The following AFTPH variants were observed in gnomAD, a reference collection of about 807,000 sequenced individuals.
AFTPH encodes aftiphilin, also known as aftiphilin protein.
AFTPH carries 7 observed loss-of-function variants against 72.5 expected under a neutral mutation model. The observed-to-expected ratio is 0.10, with a 90% CI of 0.05 to 0.18. AFTPH has a LOEUF of 0.18. Ranked by LOEUF, AFTPH falls within the 10% of genes least tolerant of loss-of-function variation. The pLI, the probability that AFTPH is intolerant of heterozygous loss-of-function variation, is 1.00. For missense variants in AFTPH, 979 were observed against 1,060.5 expected (o/e 0.92, Z 1.07); for synonymous variants, 337 against 370.1 (o/e 0.91, Z 1.03).
At chr2:64,539,937 G>T in intron 1 of AFTPH, among the ~76,000 whole-genome samples, 1 of 152,174 alleles carries the variant, frequency 6.6e-6, no homozygotes, top group South Asian at 2.1e-4. Context: ...ATTCTGTTTT[G>T]TTTTGTTTTG....
chr2:64,584,058 T>C (rs558105252), intron 7 of AFTPH, among the ~76,000 whole-genome samples: 2 of 152,024 alleles, frequency 1.3e-5, no homozygotes, highest in African/African-American at 4.8e-5. Context: ...AAAGAAATAA[T>C]AAGTAAAAAT....
At chr2:64,539,908 A>C (rs189234988) in intron 1 of AFTPH, among the ~76,000 whole-genome samples, 1 of 152,292 alleles carries the variant, frequency 6.6e-6, no homozygotes, top group African/African-American at 2.4e-5. Flanking sequence ...GAGAAGAGCT[A>C]GGGCGCACAG....
exon 9 of AFTPH, chr2:64,592,112 A>G: frequency 1.8e-6 from 2 of 1,115,722 alleles, no homozygotes; most frequent in Non-Finnish European, 2.3e-6. Context: ...TACCTGCTCT[A>G]ATTAAAAAAA....
chr2:64,554,973 G>A (rs1332522548), intron 2 of AFTPH, among the ~76,000 whole-genome samples: 2 of 152,158 alleles, frequency 1.3e-5, no homozygotes, highest in East Asian at 1.9e-4. Context: ...AGTTATTTAT[G>A]TATAATTTGA....
At chr2:64,581,891 G>C (rs898024512) in intron 7 of AFTPH, among the ~76,000 whole-genome samples, 1 of 152,124 alleles carries the variant, frequency 6.6e-6, no homozygotes, top group Admixed American at 6.5e-5. Context: ...AAAGTTAATA[G>C]TAGAAAATAA....
chr2:64,526,173 C>G (rs1480723293), intron 1 of AFTPH, among the ~76,000 whole-genome samples: 2 of 152,220 alleles, frequency 1.3e-5, no homozygotes, highest in East Asian at 3.8e-4. Context: ...CTTGATACAT[C>G]TTGCCGAATC....
chr2:64,550,258 G>C (rs988002730), intron 1 of AFTPH, among the ~76,000 whole-genome samples: 2 of 152,148 alleles, frequency 1.3e-5, no homozygotes, highest in Non-Finnish European at 2.9e-5. Flanking sequence ...GTCAGACCCA[G>C]GAGTGGTGAT....
At chr2:64,542,588 T>C (rs1040202639) in intron 1 of AFTPH, among the ~76,000 whole-genome samples, 46 of 152,156 alleles carry the variant, frequency 3.0e-4, no homozygotes, top group African/African-American at 1.0e-3. Flanking sequence ...TCCTTCAACC[T>C]TGGGCTTCAG....
At chr2:64,588,894 TATTTTAATTGGATA>T (rs1673659815) in intron 8 of AFTPH, among the ~76,000 whole-genome samples, 1 of 152,164 alleles carries the variant, frequency 6.6e-6, no homozygotes, top group Non-Finnish European at 1.5e-5. Context: ...CATTTGCCTA[TATTTTAATTGGATA>T]ATTTGTCTTT....
intron 2 of AFTPH, among the ~76,000 whole-genome samples, chr2:64,559,672 C>G (rs149485759): frequency 6.6e-6 from 1 of 152,118 alleles, no homozygotes; most frequent in African/African-American, 2.4e-5. Flanking sequence ...TAGAAACACC[C>G]TCACAGGTAC....
At chr2:64,540,521 C>A (rs1020645518) in intron 1 of AFTPH, among the ~76,000 whole-genome samples, 2 of 151,994 alleles carry the variant, frequency 1.3e-5, no homozygotes, top group Non-Finnish European at 2.9e-5. Flanking sequence ...TTAAAATGTT[C>A]GGTAGAAGAA....
At chr2:64,527,150 A>T (rs1010789343) in intron 1 of AFTPH, among the ~76,000 whole-genome samples, 1 of 152,350 alleles carries the variant, frequency 6.6e-6, no homozygotes, top group African/African-American at 2.4e-5. Flanking sequence ...TTACAAACAT[A>T]TCTTTATATC....
At chr2:64,581,235 T>C in intron 7 of AFTPH, 1 of 1,601,932 alleles carries the variant, frequency 6.2e-7, no homozygotes, top group Non-Finnish European at 8.5e-7. Flanking sequence ...TTTGGGCCCG[T>C]GGATGACAGT....
chr2:64,532,262 A>G (rs947164244), intron 1 of AFTPH, among the ~76,000 whole-genome samples: 1 of 152,200 alleles, frequency 6.6e-6, no homozygotes, highest in African/African-American at 2.4e-5. Context: ...GGCCTAGCCT[A>G]GAGCATTGAA....
chr2:64,526,360 A>G (rs1572927309), intron 1 of AFTPH, among the ~76,000 whole-genome samples: 3 of 152,262 alleles, frequency 2.0e-5, no homozygotes, highest in Admixed American at 6.5e-5. Context: ...TCAGCAGGCA[A>G]AGTCTTTGAA....
Position 64,567,517 on chromosome 2 carries a change from T to C in AFTPH, c.1936-45T>C, listed in dbSNP as rs150384305. ...TTTTAATGCTATAACTATGATATTA[T>C]CAAAATTAAATGAAAATAAACTTTT... is the stretch of plus-strand genomic sequence containing the variant. On this transcript the variant is annotated intron_variant, in intron 2 of 8. Coordinates refer to ENST00000238856, the Ensembl canonical transcript of AFTPH. The C allele has an allele frequency of 1.9e-4, 305 of 1,571,156 alleles. 1 individual carries two copies. In the African/African-American group the frequency reaches 3.5e-3, roughly 18 times the overall value.
chr2:64,576,329 A>C (rs937137522), intron 6 of AFTPH, among the ~76,000 whole-genome samples: 19 of 151,954 alleles, frequency 1.3e-4, no homozygotes, highest in Non-Finnish European at 2.1e-4. Flanking sequence ...CAATTGTATA[A>C]TTCCCCTTAT....
chr2:64,540,327 T>C (rs1670163066), intron 1 of AFTPH, among the ~76,000 whole-genome samples: 1 of 152,174 alleles, frequency 6.6e-6, no homozygotes, highest in South Asian at 2.1e-4. Flanking sequence ...AGTTATCCAA[T>C]GTTATGTATT....
At chr2:64,584,833 T>G (rs1364138944) in intron 7 of AFTPH, among the ~76,000 whole-genome samples, 5 of 152,174 alleles carry the variant, frequency 3.3e-5, no homozygotes, top group Non-Finnish European at 5.9e-5. Flanking sequence ...CCTGACTTTG[T>G]GATCTGCCCG....
Sources: gnomAD v4.1 joint callset for allele counts (sites outside exome capture counted in the v4.1 genomes callset) on GRCh38, gnomAD v4.1.1 for gene constraint, MANE v1.5 for transcripts, NCBI Gene and HGNC (gene_info 2026-07-23, HGNC 2026-07-21) for gene names.